Variants in PKD1L1 observed in about 807,000 individuals in gnomAD.
PKD1L1 encodes the protein polycystin 1 like 1, transient receptor potential channel interacting.
PKD1L1 carries 236 observed loss-of-function variants against 323.4 expected under a neutral mutation model. The ratio of observed to expected loss-of-function variants is 0.73; its 90% CI spans 0.66 to 0.81. PKD1L1 has a LOEUF of 0.81. Among genes scored for constraint, PKD1L1 ranks in the 40% least tolerant of loss-of-function variants. PKD1L1 has a pLI of 0.00. For synonymous variants in PKD1L1, 1,344 were observed against 1,335.0 expected (o/e 1.01, Z -0.15); for missense variants, 3,320 against 3,508.0 (o/e 0.95, Z 1.35).
chr7:47,951,684 T>C (rs1384032936), upstream of PKD1L1, among the ~76,000 whole-genome samples: 1 of 152,260 alleles, frequency 6.6e-6, no homozygotes, highest in Non-Finnish European at 1.5e-5. Flanking sequence ...TGGGTTTTCA[T>C]ACTTGAAGAT....
chr7:47,868,602 G>A (rs555703379), intron 24 of PKD1L1, among the ~76,000 whole-genome samples: 19 of 152,258 alleles, frequency 1.2e-4, no homozygotes, highest in Middle Eastern at 3.4e-3. Context: ...CTGGCCAGGC[G>A]TGGTGGCTCA....
chr7:47,830,777 C>G (rs4724648), intron 42 of PKD1L1, among the ~76,000 whole-genome samples: 24,286 of 152,194 alleles, frequency 0.16, 2,403 homozygotes, highest in East Asian at 0.22. Context: ...AGAGAGGTAC[C>G]ATGTGCCGGA....
chr7:47,929,324 T>C lies in PKD1L1; in HGVS notation c.940A>G (p.Met314Val), dbSNP rs773422718. The change falls in exon 7 of 57, where the codon ATG becomes GTG. Residue 314 changes from methionine (M) to valine (V), a missense_variant. Transcript: ENST00000289672. ...APPNLGFRVH[M>V]ASGEALCLMM... Reference sequence around the variant, plus strand: ...AGACAGAGAGCCTCTCCAGAAGCCATATGAACACGGAATCCCAGATTTGGA... The same window carrying C: ...AGACAGAGAGCCTCTCCAGAAGCCACATGAACACGGAATCCCAGATTTGGA... The C allele has an allele frequency of 1.2e-6, 2 of 1,614,118 alleles. No individual in the cohort carries two copies. The highest frequency in any genetic ancestry group is 1.7e-6 in the Non-Finnish European group (2 of 1,180,028).
chr7:47,852,648 G>A (rs367997365), intron 31 of PKD1L1, among the ~76,000 whole-genome samples: 1 of 152,278 alleles, frequency 6.6e-6, no homozygotes, highest in African/African-American at 2.4e-5. Context: ...GGCAGACCAC[G>A]GAGAAGGGGT....
At position 47,908,313 on chromosome 7, in the gene PKD1L1, T is replaced by C; in HGVS notation, c.1229-63A>G. 6 of 1,475,274 alleles carry C rather than the reference T, an allele frequency of 4.1e-6. No individual in the cohort carries two copies. In the South Asian group the frequency reaches 7.2e-5, roughly 18 times the overall value. 91.4% of individuals were successfully genotyped at this position (1,475,274 alleles called of 1,614,324 possible). On this transcript the variant is annotated intron_variant, in intron 8 of 56. Coordinates refer to ENST00000289672, the MANE Select transcript of PKD1L1 (RefSeq NM_138295.5). ...TTAATAACAAGCATAACAGTTAACA[T>C]TTGTAGAATGGTCAAAATGGGGTGA...
intron 8 of PKD1L1, among the ~76,000 whole-genome samples, chr7:47,910,863 T>TGTGTGTGTGTGTGTGTGTGTGTG (rs1554411357): frequency 2.0e-5 from 3 of 150,950 alleles, no homozygotes; most frequent in African/African-American, 7.3e-5. Flanking sequence ...TGTGTGTGTA[T>TGTGTGTGTGTGTGTGTGTGTGTG]TTTTAGTAGA....
chr7:47,825,115 G>A (rs534395449), intron 45 of PKD1L1, among the ~76,000 whole-genome samples: 2 of 152,204 alleles, frequency 1.3e-5, no homozygotes, highest in East Asian at 3.9e-4. Flanking sequence ...TCACATTTTT[G>A]GATTTTCACA....
At chr7:47,823,068 C>T (rs1418524463) in intron 45 of PKD1L1, among the ~76,000 whole-genome samples, 1 of 151,942 alleles carries the variant, frequency 6.6e-6, no homozygotes, top group African/African-American at 2.4e-5. Context: ...CTTTCTCTTG[C>T]CTATTGCATT....
rs1476338449 is a variant in PKD1L1, at chr7:47,829,439, CTG to C, written c.6719_6720del (p.Ala2240GlyfsTer4). On this transcript the variant is annotated frameshift_variant, in exon 44 of 57. Transcript: ENST00000289672. LOFTEE classifies it high-confidence loss of function. ...FSSSCSIPDC[A>X]GEVEKVLAAR... The stretch of plus-strand genomic sequence containing the variant: ...ATTTTTTTTACTTTTTCAACCTCGC[CTG>C]CACAGTCAGGAATACTGCAGCTTGA... 1.9e-6 allele frequency: 3 copies of C among 1,607,190 alleles called. No individual in the cohort carries two copies. Among genetic ancestry groups the C allele is most frequent in the African/African-American group, 1.3e-5 (1 of 74,284 alleles).
chr7:47,816,655 G>A (rs182262182), intron 46 of PKD1L1, among the ~76,000 whole-genome samples: 159 of 152,306 alleles, frequency 1.0e-3, no homozygotes, highest in African/African-American at 3.7e-3. Context: ...AAAAAGGGGA[G>A]ACCAAAATAG....
chr7:47,927,787 A>C (rs2128754892), intron 7 of PKD1L1, among the ~76,000 whole-genome samples: 1 of 152,366 alleles, frequency 6.6e-6, no homozygotes, highest in South Asian at 2.1e-4. Flanking sequence ...AATTAAAAGC[A>C]ATTTAGCATT....
intron 12 of PKD1L1, among the ~76,000 whole-genome samples, 173 bp downstream of exon 12, chr7:47,904,205 G>A (rs1301700544): frequency 6.6e-6 from 1 of 152,040 alleles, no homozygotes; most frequent in African/African-American, 2.4e-5. Context: ...TCTTTCCCCT[G>A]GACTAGGAGC....
At chr7:47,894,307 C>T (rs796133872) in intron 14 of PKD1L1, among the ~76,000 whole-genome samples, 21 of 152,242 alleles carry the variant, frequency 1.4e-4, no homozygotes, top group African/African-American at 5.1e-4. Context: ...TGGGCATTTC[C>T]TAGCTTGTGA....
chr7:47,940,006 A>T lies in PKD1L1; in HGVS notation c.285+187T>A, dbSNP rs112334637. 3.1e-3 allele frequency among the ~76,000 whole-genome samples: 475 copies of T among 152,276 alleles called. 4 individuals are homozygous for T. Among genetic ancestry groups the T allele is most frequent in the African/African-American group, 0.011 (454 of 41,554 alleles). On this transcript the variant is annotated intron_variant, in intron 3 of 56. Transcript: ENST00000289672. ...GGCTAGCCCTGCCTGCACTTCTTAT[A>T]TGTGGAACTATGCTCTGGAGCTGAA...
Position 47,905,166 on chromosome 7 carries a change from A to T in PKD1L1, c.1682T>A (p.Ile561Asn), listed in dbSNP as rs1428689077. The change falls in exon 11 of 57, where the codon ATC becomes AAC. Residue 561 changes from isoleucine (I) to asparagine (N), a missense_variant. Transcript: ENST00000289672. The part of the protein sequence containing the change: ...TSRSIKKRLS[I>N]PQWYRVMVKA... ...TGCTACTTTTACTGACCATTGGGGG[A>T]TGCTGAGTCTTTTTTTAATGCTTCT... 3.7e-6 allele frequency: 6 copies of T among 1,613,616 alleles called. No homozygotes were observed. Among genetic ancestry groups the T allele is most frequent in the East Asian group, 2.2e-5 (1 of 44,862 alleles).
intron 56 of PKD1L1, among the ~76,000 whole-genome samples, chr7:47,788,574 TA>T (rs1307295054): frequency 5.9e-5 from 6 of 102,322 alleles, no homozygotes; most frequent in African/African-American, 1.2e-4. Context: ...TATATATATA[TA>T]TATTTTTTTT....
At chr7:47,882,670 T>G (rs1419767203) in intron 19 of PKD1L1, among the ~76,000 whole-genome samples, 1 of 123,222 alleles carries the variant, frequency 8.1e-6, no homozygotes, top group Non-Finnish European at 1.6e-5. Context: ...TGATCTGCCC[T>G]AGTGGTTGGA....
At chr7:47,794,956 T>C (rs189066588) in intron 55 of PKD1L1, among the ~76,000 whole-genome samples, 14 of 152,360 alleles carry the variant, frequency 9.2e-5, no homozygotes, top group African/African-American at 3.4e-4. Flanking sequence ...ACCCAATCCC[T>C]GTACCCCCAT....
intron 46 of PKD1L1, 73 bp from the exon 47 acceptor site, chr7:47,815,530 GT>G: frequency 6.6e-7 from 1 of 1,514,768 alleles, no homozygotes. Flanking sequence ...ACAAAAGCAT[GT>G]TTTCTTGCCA....
Sources: gnomAD v4.1 joint callset for allele counts (sites outside exome capture counted in the v4.1 genomes callset) on GRCh38, gnomAD v4.1.1 for gene constraint, MANE v1.5 for transcripts, NCBI Gene and HGNC (gene_info 2026-07-23, HGNC 2026-07-21) for gene names.